RSPRY1: variants seen among roughly 807,000 people sequenced by gnomAD.
RSPRY1 encodes RING finger and SPRY domain-containing protein 1.
RSPRY1 carries 23 observed loss-of-function variants against 73.1 expected under a neutral mutation model. That is an observed-to-expected ratio of 0.31 (90% CI 0.23 to 0.45). The LOEUF is 0.45. Among genes scored for constraint, RSPRY1 ranks in the 20% least tolerant of loss-of-function variants. RSPRY1 has a pLI of 1.00. For synonymous variants in RSPRY1, 226 were observed against 251.4 expected (o/e 0.90, Z 0.95); for missense variants, 448 against 698.7 (o/e 0.64, Z 4.05).
chr16:57,198,210 TC>T (rs1470432282), intron 1 of RSPRY1, among the ~76,000 whole-genome samples: 4 of 151,766 alleles, frequency 2.6e-5, no homozygotes, highest in Non-Finnish European at 2.9e-5. Flanking sequence ...ACAGTGAAAC[TC>T]TGTCTCTACT....
intron 2 of RSPRY1, chr16:57,207,685 G>A (rs1212456971): frequency 8.7e-6 from 4 of 462,128 alleles, no homozygotes; most frequent in Non-Finnish European, 1.7e-5. Flanking sequence ...ATTTCTCTGA[G>A]GTAAGTATGA....
rs769920896 is a variant in RSPRY1, at chr16:57,239,023, A to G, written c.*48A>G. The G allele has an allele frequency of 3.8e-6, 4 of 1,039,996 alleles. No individual in the cohort carries two copies. The highest frequency in any genetic ancestry group is 2.5e-5 in the East Asian group (1 of 40,602). The allele number at this position is 1,039,996 out of a possible 1,614,324, so 64.4% of individuals were successfully genotyped here. ...ACTTTTTTCTACTCAATTCCAGCCA[A>G]TGTTGAAAAGAAAAAGAAAAAAAAA... On this transcript the variant is annotated 3_prime_UTR_variant, in exon 15 of 15. Coordinates refer to ENST00000394420, the MANE Select transcript of RSPRY1 (RefSeq NM_133368.3).
rs745666473 is a variant in RSPRY1 at position 57,239,816 on chromosome 16, TAAAAA to T, written c.*845_*849del. On this transcript the variant is annotated 3_prime_UTR_variant, in exon 15 of 15. Coordinates refer to ENST00000394420, the MANE Select transcript of RSPRY1 (RefSeq NM_133368.3). ...TCAAATCAGATTTCTGTTTTTTTGT[TAAAAA>T]AAATTTTTTTAATCAGTATTGTTTT... The T allele has an allele frequency of 4.6e-5, 7 of 152,172 alleles. No individual in the cohort carries two copies. In the East Asian group the frequency reaches 5.8e-4, roughly 13 times the overall value. The allele number at this position is 152,172 out of a possible 1,614,324, so 9.4% of individuals were successfully genotyped here. A position where few individuals can be genotyped will look rare whatever the true frequency, so the allele number is the denominator to read the frequency against.
intron 13 of RSPRY1, among the ~76,000 whole-genome samples, chr16:57,232,171 G>A (rs557302739): frequency 1.3e-5 from 2 of 152,188 alleles, no homozygotes; most frequent in African/African-American, 4.8e-5. Context: ...AGCTAATGTC[G>A]GACTGGTATG....
At chr16:57,229,037 T>C (rs1221515686) in intron 11 of RSPRY1, among the ~76,000 whole-genome samples, 1 of 152,258 alleles carries the variant, frequency 6.6e-6, no homozygotes, top group African/African-American at 2.4e-5. Context: ...TTCCATTATA[T>C]AGTTGTACTA....
chr16:57,199,978 AGGACAATAGTGGAG>A (rs2074536696), intron 1 of RSPRY1, among the ~76,000 whole-genome samples: 1 of 138,138 alleles, frequency 7.2e-6, no homozygotes, highest in Non-Finnish European at 1.5e-5. Flanking sequence ...GCAGGGTCAC[AGGACAATAGTGGAG>A]GGAAGGTCAG....
At chr16:57,207,174 T>G (rs1202973101) in intron 2 of RSPRY1, among the ~76,000 whole-genome samples, 1 of 152,214 alleles carries the variant, frequency 6.6e-6, no homozygotes, top group Non-Finnish European at 1.5e-5. Context: ...AATTTTATTA[T>G]TGCCAGATCA....
intron 4 of RSPRY1, among the ~76,000 whole-genome samples, chr16:57,212,117 G>C (rs1413021753): frequency 6.6e-6 from 1 of 152,108 alleles, no homozygotes; most frequent in Non-Finnish European, 1.5e-5. Context: ...TTCAAGACCA[G>C]CCTGGGCAAC....
intron 10 of RSPRY1, among the ~76,000 whole-genome samples, chr16:57,223,310 T>G (rs2075068621): frequency 6.6e-6 from 1 of 152,206 alleles, no homozygotes. Flanking sequence ...TCTTGCTGCT[T>G]AGGTTTCCAT....
In RSPRY1 at chr16:57,227,334, C is replaced by T. The variant is rs772881632; in HGVS notation, c.1162-8C>T. On this transcript the variant is annotated splice_polypyrimidine_tract_variant and splice_region_variant and intron_variant, in intron 10 of 14. Coordinates refer to ENST00000394420, the MANE Select transcript of RSPRY1 (RefSeq NM_133368.3). ...CTTGCTAATCTTCTGGGCCTTGTCT[C>T]TCTCCAGGAAGGCTACGGCATTGGG... 2 of 1,603,940 alleles carry T rather than the reference C, an allele frequency of 1.2e-6. No homozygotes were observed. The highest frequency in any genetic ancestry group is 2.2e-5 in the South Asian group (2 of 90,762).
At chr16:57,203,508 G>GT (rs1296616485) in intron 1 of RSPRY1, among the ~76,000 whole-genome samples, 1 of 152,074 alleles carries the variant, frequency 6.6e-6, no homozygotes, top group Admixed American at 6.5e-5. Context: ...TTGTTTGTTT[G>GT]TTTGTTTTTT....
At chr16:57,204,323 T>G (rs977219817) in intron 1 of RSPRY1, among the ~76,000 whole-genome samples, 181 bp from the exon 2 acceptor site, 8 of 152,220 alleles carry the variant, frequency 5.3e-5, no homozygotes, top group Non-Finnish European at 1.2e-4. Flanking sequence ...TAAAAAGAAA[T>G]TATTGATTGA....
intron 10 of RSPRY1, 146 bp downstream of exon 10, chr16:57,221,561 A>G (rs2075036649): frequency 1.3e-6 from 1 of 775,062 alleles, no homozygotes; most frequent in African/African-American, 1.8e-5. Flanking sequence ...GGTCCCTAAC[A>G]ATGATCTACT....
chr16:57,186,185 C>T (rs2074163289), upstream of RSPRY1: 1 of 985,718 alleles, frequency 1.0e-6, no homozygotes, highest in Non-Finnish European at 1.2e-6. Flanking sequence ...GGCCAGTCTG[C>T]GCCTGGAGGG....
chr16:57,212,862 C>A, intron 4 of RSPRY1, 110 bp from the exon 5 acceptor site: 1 of 1,148,726 alleles, frequency 8.7e-7, no homozygotes, highest in South Asian at 1.5e-5. Context: ...GTCCGCCCGC[C>A]TCGGCCTCCC....
At chr16:57,214,270 A>T (rs554398760) in intron 6 of RSPRY1, among the ~76,000 whole-genome samples, 1 of 152,282 alleles carries the variant, frequency 6.6e-6, no homozygotes, top group Non-Finnish European at 1.5e-5. Context: ...AGTAGAAACA[A>T]TTACATGGCG....
chr16:57,214,834 G>A (rs4784782), intron 6 of RSPRY1, among the ~76,000 whole-genome samples: 15 of 152,352 alleles, frequency 9.8e-5, no homozygotes, highest in African/African-American at 3.4e-4. Flanking sequence ...TTCAAGACCA[G>A]CCTGGCCAAC....
At chr16:57,228,178 C>T (rs908940603) in intron 11 of RSPRY1, among the ~76,000 whole-genome samples, 3 of 148,414 alleles carry the variant, frequency 2.0e-5, no homozygotes, top group African/African-American at 7.5e-5. Context: ...GAGGCTGAGG[C>T]AGGAGAATCA....
chr16:57,226,773 C>T (rs1163196327), intron 10 of RSPRY1, among the ~76,000 whole-genome samples: 2 of 152,158 alleles, frequency 1.3e-5, no homozygotes, highest in African/African-American at 2.4e-5. Context: ...GTGCTGACCT[C>T]CTGTCTCATC....
Sources: allele counts gnomAD v4.1 joint callset (sites outside exome capture counted in the v4.1 genomes callset), GRCh38; gene constraint gnomAD v4.1.1; transcripts MANE v1.5; gene names NCBI Gene and HGNC (gene_info 2026-07-23, HGNC 2026-07-21).